ISM1: variants seen among roughly 807,000 people sequenced by gnomAD.
The protein encoded by ISM1 is isthmin 1.
ISM1 carries 25 observed loss-of-function variants against 46.3 expected under a neutral mutation model. The ratio of observed to expected loss-of-function variants is 0.54; its 90% CI spans 0.39 to 0.75. The LOEUF is 0.75. ISM1 is among the 30% of genes least tolerant of loss of function. The probability of loss-of-function intolerance (pLI) is 0.00; values close to 1 mark genes in which losing one functional copy is unlikely to be tolerated. For synonymous variants in ISM1, 255 were observed against 256.7 expected, an observed-to-expected ratio of 0.99 and a Z score of 0.06; for missense variants, 536 against 625.4, an observed-to-expected ratio of 0.86 and a Z score of 1.52.
At chr20:13,234,912 A>G (rs2039630799) in intron 1 of ISM1, among the ~76,000 whole-genome samples, 1 of 152,084 alleles carries the variant, frequency 6.6e-6, no homozygotes. Flanking sequence ...ATTTTTTCCT[A>G]CAGAATCTGT....
At chr20:13,322,392 T>A in the ISM1 span, among the ~76,000 whole-genome samples, 18 of 152,310 alleles carry the variant, frequency 1.2e-4, 1 homozygote, top group African/African-American at 4.3e-4. Context: ...AGCCACTGAC[T>A]GTATTTCTCT....
the ISM1 span, among the ~76,000 whole-genome samples, chr20:13,310,447 T>A: frequency 2.0e-5 from 3 of 151,864 alleles, no homozygotes; most frequent in Non-Finnish European, 2.9e-5. Flanking sequence ...AAGACTTAAA[T>A]ATAAGACCTA....
intron 3 of ISM1, among the ~76,000 whole-genome samples, chr20:13,286,528 A>T (rs759113095): frequency 3.3e-5 from 5 of 152,154 alleles, no homozygotes; most frequent in Non-Finnish European, 7.3e-5. Flanking sequence ...TTAGGAGAAA[A>T]ATCAAAGTTC....
At chr20:13,306,564 CAA>C in the ISM1 span, among the ~76,000 whole-genome samples, 19,347 of 63,562 alleles carry the variant, frequency 0.3, 729 homozygotes, top group Middle Eastern at 0.44. Context: ...GGAGAAAGGA[CAA>C]AAAAAAAAAA....
At chr20:13,238,428 C>T (rs2039678423) in intron 1 of ISM1, among the ~76,000 whole-genome samples, 3 of 152,064 alleles carry the variant, frequency 2.0e-5, no homozygotes, top group African/African-American at 7.2e-5. Context: ...TTGGAGCTGC[C>T]CTTCAGTAGG....
At chr20:13,280,127 C>T (rs373099073) in intron 3 of ISM1, among the ~76,000 whole-genome samples, 42 of 152,218 alleles carry the variant, frequency 2.8e-4, no homozygotes, top group African/African-American at 5.5e-4. Context: ...ACCAATTATC[C>T]GAAGAGATAA....
intron 1 of ISM1, chr20:13,237,665 G>C (rs1281367503): frequency 6.6e-6 from 1 of 152,148 alleles, no homozygotes; most frequent in Non-Finnish European, 1.5e-5. Flanking sequence ...ATCTCATTGA[G>C]TTGTAGAGTT....
At chr20:13,248,915 T>C (rs1225507133) in intron 1 of ISM1, among the ~76,000 whole-genome samples, 1 of 151,920 alleles carries the variant, frequency 6.6e-6, no homozygotes, top group African/African-American at 2.4e-5. Flanking sequence ...TGTAAGAGAG[T>C]TGATCAACAT....
intron 1 of ISM1, among the ~76,000 whole-genome samples, chr20:13,241,219 C>G (rs751290953): frequency 1.3e-5 from 2 of 152,070 alleles, no homozygotes; most frequent in Non-Finnish European, 2.9e-5. Context: ...GAACAGACTC[C>G]AGTGTCTATT....
At chr20:13,315,573 T>C in the ISM1 span, among the ~76,000 whole-genome samples, 1 of 151,958 alleles carries the variant, frequency 6.6e-6, no homozygotes, top group South Asian at 2.1e-4. Context: ...CATAGATGAA[T>C]CCATTATCAT....
chr20:13,309,051 T>C, the ISM1 span, among the ~76,000 whole-genome samples: 36 of 152,334 alleles, frequency 2.4e-4, no homozygotes, highest in African/African-American at 7.5e-4. Flanking sequence ...TCTATGGTAG[T>C]TTGTTGTATC....
At chr20:13,311,727 T>C in the ISM1 span, among the ~76,000 whole-genome samples, 25 of 152,078 alleles carry the variant, frequency 1.6e-4, no homozygotes, top group Non-Finnish European at 2.8e-4. Context: ...ATGTGGAATC[T>C]AAAAAAATCA....
chr20:13,278,329 G>A (rs988476446), intron 2 of ISM1, among the ~76,000 whole-genome samples: 2 of 152,166 alleles, frequency 1.3e-5, no homozygotes, highest in Admixed American at 6.5e-5. Flanking sequence ...CTGACCCTAA[G>A]GGTTAGTTGA....
intron 1 of ISM1, among the ~76,000 whole-genome samples, chr20:13,227,513 CTTTT>C (rs57317837): frequency 2.6e-5 from 3 of 115,392 alleles, no homozygotes; most frequent in Non-Finnish European, 5.5e-5. Flanking sequence ...CAACTTTTTT[CTTTT>C]TTTTTTTTTG....
chr20:13,236,574 C>T (rs1203184930), intron 1 of ISM1, among the ~76,000 whole-genome samples: 3 of 152,156 alleles, frequency 2.0e-5, no homozygotes, highest in Non-Finnish European at 4.4e-5. Context: ...CCCAAAAGTC[C>T]ACAGTCCAAA....
the ISM1 span, among the ~76,000 whole-genome samples, chr20:13,312,492 C>A: frequency 1.3e-5 from 2 of 152,202 alleles, no homozygotes; most frequent in Non-Finnish European, 2.9e-5. Context: ...CATGCACAGT[C>A]TGAGATAAAC....
intron 1 of ISM1, among the ~76,000 whole-genome samples, chr20:13,238,821 T>C (rs1246809759): frequency 6.6e-6 from 1 of 152,186 alleles, no homozygotes. Flanking sequence ...GATCAGCCCA[T>C]AGAGGATACA....
At chr20:13,230,422 C>G (rs1033390145) in intron 1 of ISM1, among the ~76,000 whole-genome samples, 17 of 152,124 alleles carry the variant, frequency 1.1e-4, no homozygotes, top group African/African-American at 3.9e-4. Context: ...ATCTCAGTTT[C>G]TTTAACTTGT....
chr20:13,261,868 C>A (rs1213943607), intron 1 of ISM1, among the ~76,000 whole-genome samples: 4 of 152,210 alleles, frequency 2.6e-5, no homozygotes, highest in African/African-American at 9.7e-5. Context: ...TGTCCTTTGG[C>A]TTAATTTCCA....
Sources: allele counts gnomAD v4.1 joint callset (sites outside exome capture counted in the v4.1 genomes callset), GRCh38; gene constraint gnomAD v4.1.1; transcripts MANE v1.5; gene names NCBI Gene and HGNC (gene_info 2026-07-23, HGNC 2026-07-21).